DAZAP1: variants seen among roughly 807,000 people sequenced by gnomAD.
The protein encoded by DAZAP1 is DAZ associated protein 1.
A neutral mutation model predicts 60.1 loss-of-function variants in DAZAP1; 6 were observed. The ratio of observed to expected loss-of-function variants is 0.10; its 90% CI spans 0.05 to 0.20. The LOEUF (loss-of-function observed/expected upper bound fraction) is 0.20, where lower values mean the gene tolerates loss of function less well. DAZAP1 is among the 10% of genes least tolerant of loss of function. DAZAP1 has a pLI of 1.00. For synonymous variants in DAZAP1, 235 were observed against 215.9 expected (o/e 1.09, Z -0.78); for missense variants, 366 against 560.4 (o/e 0.65, Z 3.50).
At chr19:1,413,663 G>A (rs1294924248) in intron 1 of DAZAP1, among the ~76,000 whole-genome samples, 3 of 152,354 alleles carry the variant, frequency 2.0e-5, no homozygotes, top group Admixed American at 6.5e-5. Flanking sequence ...GTGGCCGCGC[G>A]CGGTGCCTCA....
intron 1 of DAZAP1, among the ~76,000 whole-genome samples, chr19:1,413,349 C>T (rs1346281019): frequency 6.6e-6 from 1 of 152,214 alleles, no homozygotes; most frequent in Non-Finnish European, 1.5e-5. Context: ...GCCCAGGGCT[C>T]CGCATGTTTC....
Position 1,418,153 on chromosome 19 carries a change from C to T in DAZAP1, c.71-51C>T, listed in dbSNP as rs754168022. The stretch of plus-strand genomic sequence containing the variant: ...TGCCGGCAGCACTGCCAGGCACGTG[C>T]CTAATGCTCTGGCCCTGTGTGTTTG... On this transcript the variant is annotated intron_variant, in intron 2 of 11. Transcript: ENST00000233078. The surrounding 1 kb of genome is among the most constrained non-coding windows in gnomAD (Gnocchi z 5.7). 1 of 1,599,402 alleles carries T rather than the reference C, an allele frequency of 6.3e-7. No homozygotes were observed. Among genetic ancestry groups the T allele is most frequent in the South Asian group, 1.1e-5 (1 of 90,214 alleles).
At chr19:1,413,712 G>A (rs766300691) in intron 1 of DAZAP1, among the ~76,000 whole-genome samples, 8 of 152,320 alleles carry the variant, frequency 5.3e-5, no homozygotes, top group Admixed American at 1.3e-4. Flanking sequence ...CGAGGCGGGC[G>A]GGTCACCTGC....
In DAZAP1 at chr19:1,418,840, G is replaced by A; in HGVS notation, c.303+109G>A. On this transcript the variant is annotated intron_variant, in intron 4 of 11. Coordinates refer to ENST00000233078, the MANE Select transcript of DAZAP1 (RefSeq NM_018959.4). This position sits in a 1 kb window ranked among gnomAD's most constrained non-coding sequence, Gnocchi z 5.7. ...GCTCGTTAAGATTGAGGGCGACGCA[G>A]GTCTTCTGGGTTGGCACTCGAGCAG... 3 of 1,163,348 alleles carry A rather than the reference G, an allele frequency of 2.6e-6. No homozygotes were observed. In the East Asian group the frequency reaches 7.4e-5, roughly 29 times the overall value. 72.1% of individuals were successfully genotyped at this position (1,163,348 alleles called of 1,614,324 possible).
intron 1 of DAZAP1, among the ~76,000 whole-genome samples, chr19:1,408,504 C>T (rs1278115895): frequency 3.3e-5 from 5 of 152,260 alleles, no homozygotes; most frequent in African/African-American, 1.2e-4. Flanking sequence ...CAACCTATCC[C>T]ACTCGGGGCT....
At position 1,418,577 on chromosome 19, in the gene DAZAP1, G is replaced by A; in HGVS notation, c.238-89G>A. On this transcript the variant is annotated intron_variant, in intron 3 of 11. Coordinates refer to ENST00000233078, the MANE Select transcript of DAZAP1 (RefSeq NM_018959.4). This position sits in a 1 kb window ranked among gnomAD's most constrained non-coding sequence, Gnocchi z 5.7. ...CCGGCGGGGCGGGGCGGGCCGGGCT[G>A]CTGTGCCGTGGCTGCTGTTGTGCTG... 6.5e-7 allele frequency: 1 copy of A among 1,546,162 alleles called. No individual in the cohort carries two copies. The highest frequency in any genetic ancestry group is 8.9e-7 in the Non-Finnish European group (1 of 1,119,300).
Position 1,418,067 on chromosome 19 carries a change from C to A in DAZAP1, c.71-137C>A. On this transcript the variant is annotated intron_variant, in intron 2 of 11. Transcript: ENST00000233078. This position sits in a 1 kb window ranked among gnomAD's most constrained non-coding sequence, Gnocchi z 5.7. ...GCAGAATTCCCCAGCGCTTCCCGTA[C>A]ACCCCCCACCCCCAGTGCAGCATCG... 1 of 834,364 alleles carries A rather than the reference C, an allele frequency of 1.2e-6. No individual in the cohort carries two copies. The highest frequency in any genetic ancestry group is 1.9e-6 in the Non-Finnish European group (1 of 532,144). 51.7% of individuals were successfully genotyped at this position (834,364 alleles called of 1,614,324 possible).
chr19:1,420,476 T>C (rs2083123221), intron 4 of DAZAP1, among the ~76,000 whole-genome samples: 2 of 150,226 alleles, frequency 1.3e-5, no homozygotes, highest in Admixed American at 6.6e-5. Context: ...GTGATAGCCT[T>C]GGATAGGGAA....
At position 1,433,529 on chromosome 19, in the gene DAZAP1, C is replaced by A; in HGVS notation, c.1048+839C>A. On this transcript the variant is annotated intron_variant, in intron 11 of 11. Transcript: ENST00000233078. The surrounding 1 kb of genome is among the most constrained non-coding windows in gnomAD (Gnocchi z 6.1). ...TCGGCCGAGGTGCCCGCCCACCCAC[C>A]TCGCATGGCTGTGGTTCCCCTGCCC... 1 of 573,212 alleles carries A rather than the reference C, an allele frequency of 1.7e-6. No homozygotes were observed. Among genetic ancestry groups the A allele is most frequent in the Non-Finnish European group, 3.1e-6 (1 of 320,038 alleles). The allele number at this position is 573,212 out of a possible 1,614,324, so 35.5% of individuals were successfully genotyped here.
intron 8 of DAZAP1, among the ~76,000 whole-genome samples, chr19:1,429,246 G>C (rs2083381005): frequency 6.6e-6 from 1 of 152,230 alleles, no homozygotes; most frequent in African/African-American, 2.4e-5. Flanking sequence ...TTGTCACCGG[G>C]AAGAGCTGCA....
In DAZAP1 at chr19:1,408,034, G is replaced by A. The variant is rs2082714949; in HGVS notation, c.29+232G>A. Among the ~76,000 whole-genome samples, 6 of 151,830 alleles carry A rather than the reference G, an allele frequency of 4.0e-5. 1 individual carries two copies. In the South Asian group the frequency reaches 1.2e-3, roughly 32 times the overall value. ...CCGCTTCCCGGCTTCCCGTCCTGGG[G>A]GATCCTGAAGGAGAGCCTGAGGGGT... On this transcript the variant is annotated intron_variant, in intron 1 of 11. Coordinates refer to ENST00000233078, the MANE Select transcript of DAZAP1 (RefSeq NM_018959.4).
intron 10 of DAZAP1, among the ~76,000 whole-genome samples, chr19:1,431,202 T>C (rs963657081): frequency 1.1e-4 from 16 of 148,340 alleles, no homozygotes; most frequent in Admixed American, 2.7e-4. Flanking sequence ...CATCTCGGCT[T>C]ACTGCAAGCT....
At chr19:1,430,188 T>G (rs756934036) in intron 9 of DAZAP1, 34 bp from the exon 10 acceptor site, 32 of 1,582,434 alleles carry the variant, frequency 2.0e-5, no homozygotes, top group Non-Finnish European at 2.7e-5. Flanking sequence ...TGTCCAGCGC[T>G]CTCTGTCCAT....
At chr19:1,424,757 C>T (rs968954903) in intron 6 of DAZAP1, among the ~76,000 whole-genome samples, 4 of 152,220 alleles carry the variant, frequency 2.6e-5, no homozygotes, top group Non-Finnish European at 4.4e-5. Context: ...ATCTTCAGCC[C>T]GGTCTCAGCT....
chr19:1,429,699 G>A (rs545479715), intron 8 of DAZAP1, among the ~76,000 whole-genome samples: 1 of 152,334 alleles, frequency 6.6e-6, no homozygotes, highest in East Asian at 1.9e-4. Flanking sequence ...GGTGGAGCCG[G>A]GAGGTCACCC....
In DAZAP1 at chr19:1,430,343, C is replaced by T. The variant is rs749590658; in HGVS notation, c.852C>T (p.Tyr284=). ...FPPPQGFPQG[Y]GAPPQFSFGY... Reference sequence around the variant, plus strand: ...CTCCCCAGGGCTTCCCTCAGGGCTACGGTGCCCCGCCACAGTTCAGTAAGT... The same window carrying T: ...CTCCCCAGGGCTTCCCTCAGGGCTATGGTGCCCCGCCACAGTTCAGTAAGT... Residue 284 remains tyrosine (Y), a synonymous_variant, in exon 10 of 12, where the codon TAC becomes TAT. Transcript: ENST00000233078. 28 of 1,521,200 alleles carry T rather than the reference C, an allele frequency of 1.8e-5. No homozygotes were observed. The highest frequency in any genetic ancestry group is 2.8e-5 in the African/African-American group (2 of 71,276). 94.2% of individuals were successfully genotyped at this position (1,521,200 alleles called of 1,614,324 possible). A position where few individuals can be genotyped will look rare whatever the true frequency, so the allele number is the denominator to read the frequency against.
At chr19:1,424,340 C>T (rs571649191) in intron 6 of DAZAP1, among the ~76,000 whole-genome samples, 6 of 107,950 alleles carry the variant, frequency 5.6e-5, no homozygotes, top group African/African-American at 1.7e-4. Context: ...CCCCCTCCCC[C>T]TCCTCCTCCC....
rs973600883 is a variant in DAZAP1, at chr19:1,422,913, G to A, written c.463+517G>A. Among the ~76,000 whole-genome samples the A allele has an allele frequency of 1.3e-5, 2 of 151,602 alleles. No individual in the cohort carries two copies. Among genetic ancestry groups the A allele is most frequent in the Non-Finnish European group, 2.9e-5 (2 of 67,950 alleles). On this transcript the variant is annotated intron_variant, in intron 6 of 11. Transcript: ENST00000233078. The surrounding 1 kb of genome is among the most constrained non-coding windows in gnomAD (Gnocchi z 4.5). ...CAGCAGGGCAGGTGGGAGGAGGGGT[G>A]AGGAGTCACCTCAGGGCCTCCCCTC...
chr19:1,424,959 G>A (rs1263943654), intron 6 of DAZAP1, among the ~76,000 whole-genome samples: 1 of 152,076 alleles, frequency 6.6e-6, no homozygotes, highest in African/African-American at 2.4e-5. Flanking sequence ...GACCCGCCCC[G>A]TTAGCCGGGG....
Sources: allele counts gnomAD v4.1 joint callset (sites outside exome capture counted in the v4.1 genomes callset), GRCh38; gene constraint gnomAD v4.1.1; non-coding constraint Gnocchi (gnomAD v3.1); transcripts MANE v1.5; gene names NCBI Gene and HGNC (gene_info 2026-07-23, HGNC 2026-07-21).